Variants in RGS6 observed in about 807,000 individuals in gnomAD.
RGS6 encodes regulator of G protein signaling 6.
Under a neutral mutation model 78.5 loss-of-function variants are expected in RGS6, and 30 were observed. That is an observed-to-expected ratio of 0.38 (90% CI 0.29 to 0.52). The LOEUF (loss-of-function observed/expected upper bound fraction) is 0.52, where lower values mean the gene tolerates loss of function less well. Ranked by LOEUF, RGS6 falls within the 20% of genes least tolerant of loss-of-function variation. The pLI is 0.85. For missense variants in RGS6, 495 were observed against 609.7 expected (o/e 0.81, Z 1.98); for synonymous variants, 206 against 206.0 (o/e 1.00, Z 0.00).
At chr14:72,555,613 C>T (rs1368287854) in intron 17 of RGS6, among the ~76,000 whole-genome samples, 1 of 152,194 alleles carries the variant, frequency 6.6e-6, no homozygotes, top group African/African-American at 2.4e-5. Context: ...TTGAGAGTGA[C>T]AGCCATGTGC....
chr14:72,201,935 C>G (rs944669035), intron 2 of RGS6, among the ~76,000 whole-genome samples: 1 of 152,134 alleles, frequency 6.6e-6, no homozygotes, highest in Non-Finnish European at 1.5e-5. Context: ...AACCCTTGGT[C>G]TAGAGTAAAC....
At position 71,956,936 on chromosome 14, in the gene RGS6, A is replaced by G. The variant is rs369436751; in HGVS notation, c.-20-7836A>G. ...AAAGTGCTGTGTGTTCAATGGATTA[A>G]ATGTCTAAATAAGTTTGAAGATTGT... is the stretch of plus-strand genomic sequence containing the variant. On this transcript the variant is annotated intron_variant, in intron 1 of 17. Coordinates refer to ENST00000553525, the MANE Select transcript of RGS6 (RefSeq NM_001204424.2). Among the ~76,000 whole-genome samples, 57 of 152,316 alleles carry G rather than the reference A, an allele frequency of 3.7e-4. 1 individual carries two copies. The South Asian group carries it at 0.012, about 32-fold the overall frequency.
intron 2 of RGS6, among the ~76,000 whole-genome samples, chr14:72,122,117 C>T (rs142148862): frequency 1.3e-5 from 2 of 152,164 alleles, no homozygotes; most frequent in African/African-American, 4.8e-5. Flanking sequence ...GATAATAGAT[C>T]AACCACATCC....
At chr14:72,128,537 T>C (rs889859174) in intron 2 of RGS6, among the ~76,000 whole-genome samples, 2 of 151,644 alleles carry the variant, frequency 1.3e-5, no homozygotes, top group Non-Finnish European at 2.9e-5. Context: ...TAGCATTTGA[T>C]TGTGTTGATT....
intron 2 of RGS6, among the ~76,000 whole-genome samples, chr14:72,130,075 G>T (rs1029846057): frequency 6.6e-6 from 1 of 152,146 alleles, no homozygotes; most frequent in African/African-American, 2.4e-5. Context: ...TGTGGGGGTT[G>T]GGAGAACCCC....
chr14:72,254,421 C>T (rs1049037812), intron 2 of RGS6, among the ~76,000 whole-genome samples: 3 of 152,082 alleles, frequency 2.0e-5, no homozygotes, highest in Admixed American at 6.6e-5. Context: ...CCTGTAGCTT[C>T]CTTTGCCTTA....
At chr14:72,403,465 G>A (rs2092655540) in intron 3 of RGS6, among the ~76,000 whole-genome samples, 1 of 152,138 alleles carries the variant, frequency 6.6e-6, no homozygotes, top group Non-Finnish European at 1.5e-5. Context: ...AGGAGGGGAG[G>A]AGATGGAGAG....
rs1247471844 is a variant in RGS6, at chr14:72,418,260, G to A, written c.185-36268G>A. ...CAACTCACTGCAACCTCCACCTCCC[G>A]GGTTCAAGCAATTCTCCTGCCTCAG... On this transcript the variant is annotated intron_variant, in intron 3 of 17. Coordinates refer to ENST00000553525, the MANE Select transcript of RGS6 (RefSeq NM_001204424.2). Among the ~76,000 whole-genome samples the A allele has an allele frequency of 4.0e-5, 6 of 151,704 alleles. 1 individual carries two copies. The highest frequency in any genetic ancestry group is 4.2e-4 in the South Asian group (2 of 4,810).
At chr14:72,352,750 C>T (rs2079369247) in intron 3 of RGS6, among the ~76,000 whole-genome samples, 1 of 152,094 alleles carries the variant, frequency 6.6e-6, no homozygotes, top group Non-Finnish European at 1.5e-5. Context: ...TACCATCCTG[C>T]CTTATAAAGA....
At chr14:72,131,528 G>T (rs777245985) in intron 2 of RGS6, among the ~76,000 whole-genome samples, 1 of 152,188 alleles carries the variant, frequency 6.6e-6, no homozygotes, top group Non-Finnish European at 1.5e-5. Context: ...TAATGGGATA[G>T]TTTTGTCTCC....
chr14:72,362,445 A>C (rs114716716), intron 3 of RGS6, among the ~76,000 whole-genome samples: 10,243 of 152,246 alleles, frequency 0.067, 1,123 homozygotes, highest in African/African-American at 0.23. Flanking sequence ...CAATCTGGGC[A>C]GTTCTGCTGG....
intron 2 of RGS6, among the ~76,000 whole-genome samples, chr14:71,976,482 G>A (rs926710713): frequency 2.0e-4 from 29 of 144,098 alleles, no homozygotes; most frequent in African/African-American, 5.8e-4. Flanking sequence ...TCATTGTTCA[G>A]TTCCCACCTA....
intron 2 of RGS6, among the ~76,000 whole-genome samples, chr14:72,296,208 GC>G (rs1336359999): frequency 2.0e-5 from 3 of 152,006 alleles, no homozygotes; most frequent in Non-Finnish European, 2.9e-5. Flanking sequence ...TCCTTTTTAT[GC>G]CTGAGTAGTG....
At chr14:72,561,770 G>A (rs1016745280) in intron 17 of RGS6, among the ~76,000 whole-genome samples, 7 of 152,204 alleles carry the variant, frequency 4.6e-5, no homozygotes, top group Admixed American at 3.9e-4. Flanking sequence ...CTGCCTCTGG[G>A]TGCCACAGAT....
At chr14:71,960,615 C>T (rs144927688) in intron 1 of RGS6, among the ~76,000 whole-genome samples, 1 of 152,286 alleles carries the variant, frequency 6.6e-6, no homozygotes, top group African/African-American at 2.4e-5. Flanking sequence ...AGAGGAAGTC[C>T]CTGATAGACA....
intron 12 of RGS6, among the ~76,000 whole-genome samples, chr14:72,480,602 TAAG>T (rs1439239087): frequency 6.6e-6 from 1 of 151,850 alleles, no homozygotes; most frequent in Non-Finnish European, 1.5e-5. Context: ...AACCCCCAGA[TAAG>T]GAGGAGGAGG....
chr14:72,187,437 A>G (rs1406178624), intron 2 of RGS6, among the ~76,000 whole-genome samples: 2 of 152,204 alleles, frequency 1.3e-5, no homozygotes, highest in Non-Finnish European at 1.5e-5. Context: ...CTCTGCCATA[A>G]GAAGATGGCA....
At chr14:72,087,787 C>A (rs2095109509) in intron 2 of RGS6, among the ~76,000 whole-genome samples, 1 of 151,986 alleles carries the variant, frequency 6.6e-6, no homozygotes. Context: ...TTTTAAAAGA[C>A]CCACAAATGG....
intron 2 of RGS6, among the ~76,000 whole-genome samples, chr14:72,267,166 G>T (rs2059201467): frequency 2.0e-5 from 3 of 152,074 alleles, no homozygotes; most frequent in South Asian, 4.1e-4. Context: ...GGCCAGGCTG[G>T]TCTCAAACTC....
Sources: allele counts gnomAD v4.1 joint callset (sites outside exome capture counted in the v4.1 genomes callset), GRCh38; gene constraint gnomAD v4.1.1; transcripts MANE v1.5; gene names NCBI Gene and HGNC (gene_info 2026-07-23, HGNC 2026-07-21).